The following FOXN3 variants were observed in gnomAD, a reference collection of about 807,000 sequenced individuals.
FOXN3 encodes forkhead box protein N3.
In FOXN3, 7 loss-of-function variants were observed where a neutral mutation model predicts 38.4. The ratio of observed to expected loss-of-function variants is 0.18; its 90% CI spans 0.10 to 0.34. The LOEUF (loss-of-function observed/expected upper bound fraction) is 0.34, where lower values mean the gene tolerates loss of function less well. Among genes scored for constraint, FOXN3 ranks in the 10% least tolerant of loss-of-function variants. FOXN3 has a pLI of 1.00. For missense variants in FOXN3, 456 were observed against 613.4 expected, an observed-to-expected ratio of 0.74 and a Z score of 2.71; for synonymous variants, 230 against 242.2, an observed-to-expected ratio of 0.95 and a Z score of 0.47.
rs887078022 is a variant in FOXN3, at chr14:89,498,218, T to C, written c.-14-85728A>G. ...CTTCTCTCTCTCTCTCTCTTTTTTT[T>C]TTTTTTTTTTTTTTTTGAGATGGAG... On this transcript the variant is annotated intron_variant, in intron 1 of 6. Coordinates refer to the FOXN3 transcript ENST00000345097. Among the ~76,000 whole-genome samples, 24 of 138,206 alleles carry C rather than the reference T, an allele frequency of 1.7e-4. No individual in the cohort carries two copies. The East Asian group carries it at 3.0e-3, about 17-fold the overall frequency. The allele number at this position is 138,206 out of a possible 152,430, so 90.7% of individuals were successfully genotyped here.
At chr14:89,468,680 G>A (rs1033577158) in intron 1 of FOXN3, among the ~76,000 whole-genome samples, 4 of 152,040 alleles carry the variant, frequency 2.6e-5, no homozygotes, top group African/African-American at 4.8e-5. Flanking sequence ...TTATATCTTC[G>A]TACCCCCTCC....
chr14:89,537,747 C>T (rs931153348), intron 1 of FOXN3, among the ~76,000 whole-genome samples: 2 of 152,118 alleles, frequency 1.3e-5, no homozygotes, highest in African/African-American at 4.8e-5. Context: ...CAACTTTAGG[C>T]CATGTTGTTA....
At chr14:89,557,555 C>T (rs1376285900) in intron 1 of FOXN3, among the ~76,000 whole-genome samples, 2 of 152,296 alleles carry the variant, frequency 1.3e-5, no homozygotes, top group African/African-American at 2.4e-5. Flanking sequence ...ACGGCTTGAC[C>T]TCGCCTGGTT....
chr14:89,585,757 GAAAA>G (rs34382325), intron 1 of FOXN3, among the ~76,000 whole-genome samples: 1 of 136,856 alleles, frequency 7.3e-6, no homozygotes, highest in Non-Finnish European at 1.6e-5. Context: ...CACTTGACTA[GAAAA>G]AAAAAAAAAA....
chr14:89,400,019 G>A (rs1239871681), intron 2 of FOXN3: 2 of 152,182 alleles, frequency 1.3e-5, no homozygotes, highest in African/African-American at 2.4e-5. Flanking sequence ...GATGTTTACT[G>A]GAGTACATTT....
At chr14:89,415,241 A>G (rs775425497) in intron 1 of FOXN3, among the ~76,000 whole-genome samples, 4 of 152,222 alleles carry the variant, frequency 2.6e-5, no homozygotes, top group Non-Finnish European at 5.9e-5. Flanking sequence ...CAGGAAAATT[A>G]TATCATGGCT....
chr14:89,352,943 C>G (rs879477396), intron 2 of FOXN3, among the ~76,000 whole-genome samples: 1 of 152,148 alleles, frequency 6.6e-6, no homozygotes, highest in African/African-American at 2.4e-5. Context: ...GAGCGGAGAT[C>G]GCACCATTTG....
chr14:89,461,318 C>T (rs1892843566), intron 1 of FOXN3, among the ~76,000 whole-genome samples: 1 of 150,650 alleles, frequency 6.6e-6, no homozygotes, highest in African/African-American at 2.5e-5. Context: ...GGCCAGGCGA[C>T]AGAGTGAGGC....
chr14:89,291,675 A>G (rs1424288404), intron 3 of FOXN3: 3 of 417,996 alleles, frequency 7.2e-6, no homozygotes, highest in African/African-American at 6.2e-5. Context: ...TGTGGCCCTT[A>G]TTGTGTTGTT....
intron 1 of FOXN3, among the ~76,000 whole-genome samples, chr14:89,614,566 G>A (rs373510618): frequency 6.6e-6 from 1 of 152,112 alleles, no homozygotes; most frequent in Non-Finnish European, 1.5e-5. Context: ...TCTCTCTTTC[G>A]CTAAGAGGTT....
rs149076998 is a variant in FOXN3, at chr14:89,174,081, A to G, written c.851+6620T>C. Among the ~76,000 whole-genome samples the G allele has an allele frequency of 1.0e-3, 157 of 152,244 alleles. 1 individual carries two copies. Among genetic ancestry groups the G allele is most frequent in the African/African-American group, 3.6e-3 (150 of 41,578 alleles). On this transcript the variant is annotated intron_variant, in intron 5 of 5. Transcript: ENST00000557258. Reference sequence around the variant, plus strand: ...CGAAGAATGATAGGAAATACTAAGGAGCATGCAGAGAATCATTTAATACAA... The same window carrying G: ...CGAAGAATGATAGGAAATACTAAGGGGCATGCAGAGAATCATTTAATACAA...
At chr14:89,188,067 G>A (rs375239684) in intron 4 of FOXN3, among the ~76,000 whole-genome samples, 4 of 152,138 alleles carry the variant, frequency 2.6e-5, no homozygotes, top group South Asian at 2.1e-4. Flanking sequence ...TTGGAGCCCC[G>A]TTCTTGGCCT....
chr14:89,414,757 T>C (rs1891648815), intron 1 of FOXN3, among the ~76,000 whole-genome samples: 1 of 152,036 alleles, frequency 6.6e-6, no homozygotes, highest in Non-Finnish European at 1.5e-5. Flanking sequence ...TTCACCATGT[T>C]GGCCAGGATG....
chr14:89,423,018 CAATT>C (rs763394141), intron 1 of FOXN3, among the ~76,000 whole-genome samples: 192 of 152,308 alleles, frequency 1.3e-3, no homozygotes, highest in Admixed American at 6.1e-3. Flanking sequence ...CAGATTTACT[CAATT>C]AATTCCGTCA....
chr14:89,537,441 T>TTGGA (rs10588872), intron 1 of FOXN3, among the ~76,000 whole-genome samples: 11,411 of 149,662 alleles, frequency 0.076, 420 homozygotes, highest in South Asian at 0.1. Context: ...CCATGAAATG[T>TTGGA]TGGATGGATG....
intron 1 of FOXN3, among the ~76,000 whole-genome samples, chr14:89,600,354 AGGGATCAG>A (rs1165982046): frequency 6.6e-6 from 1 of 152,216 alleles, no homozygotes. Context: ...AACAATCCAG[AGGGATCAG>A]AAAGGGCTCA....
In FOXN3 at chr14:89,388,215, C is replaced by T. The variant is rs368056463; in HGVS notation, c.543+23719G>A. 7.2e-5 allele frequency among the ~76,000 whole-genome samples: 11 copies of T among 152,296 alleles called. No individual in the cohort carries two copies. The East Asian group carries it at 7.7e-4, about 11-fold the overall frequency. On this transcript the variant is annotated intron_variant, in intron 2 of 5. Transcript: ENST00000557258. ...AAGATAGCCTAAATGGGCGAACACA[C>T]ACTCCATGGGGCCTGGAAAGTCAGG...
Position 89,362,094 on chromosome 14 carries a change from T to C in FOXN3, c.544-11286A>G, listed in dbSNP as rs376287560. On this transcript the variant is annotated intron_variant, in intron 2 of 5. Coordinates refer to ENST00000557258, the MANE Select transcript of FOXN3 (RefSeq NM_005197.4). ...CCACCTCCAGCACCACCTCCACCACTACCACCTCCAGCACCACCTCCACCA... is the reference window on the plus strand; with the variant it reads ...CCACCTCCAGCACCACCTCCACCACCACCACCTCCAGCACCACCTCCACCA... Among the ~76,000 whole-genome samples the C allele has an allele frequency of 5.0e-3, 12 of 2,388 alleles. 1 individual carries two copies. Among genetic ancestry groups the C allele is most frequent in the Admixed American group, 0.035 (7 of 198 alleles). The allele number at this position is 2,388 out of a possible 152,430, so 1.6% of individuals were successfully genotyped here.
At chr14:89,342,223 A>C (rs1888636982) in intron 3 of FOXN3, among the ~76,000 whole-genome samples, 3 of 152,226 alleles carry the variant, frequency 2.0e-5, no homozygotes, top group Admixed American at 2.0e-4. Flanking sequence ...AAATAGATAT[A>C]ATCAGCCCAG....
Sources: gnomAD v4.1 joint callset for allele counts (sites outside exome capture counted in the v4.1 genomes callset) on GRCh38, gnomAD v4.1.1 for gene constraint, MANE v1.5 for transcripts, NCBI Gene and HGNC (gene_info 2026-07-23, HGNC 2026-07-21) for gene names.